EVI5: variants seen among roughly 807,000 people sequenced by gnomAD.
The protein encoded by EVI5 is ecotropic viral integration site 5 protein homolog.
A neutral mutation model predicts 112.0 loss-of-function variants in EVI5; 73 were observed. The observed-to-expected ratio is 0.65, with a 90% confidence interval of 0.54 to 0.79. The LOEUF (loss-of-function observed/expected upper bound fraction) is 0.79, where lower values mean the gene tolerates loss of function less well. EVI5 is among the 30% of genes least tolerant of loss of function. The pLI, the probability that EVI5 is intolerant of heterozygous loss-of-function variation, is 0.00. For missense variants in EVI5, 900 were observed against 968.8 expected (o/e 0.93, Z 0.94); for synonymous variants, 305 against 319.9 (o/e 0.95, Z 0.50).
chr1:92,769,420 G>T (rs780088173), intron 1 of EVI5, among the ~76,000 whole-genome samples: 3 of 152,034 alleles, frequency 2.0e-5, no homozygotes, highest in Non-Finnish European at 4.4e-5. Flanking sequence ...AAAGTACTTT[G>T]ATCTTCTGTC....
At chr1:92,620,750 A>G (rs1654364605) in intron 16 of EVI5, among the ~76,000 whole-genome samples, 1 of 152,214 alleles carries the variant, frequency 6.6e-6, no homozygotes, top group East Asian at 1.9e-4. Context: ...AACTTCTTAA[A>G]GCAGAAAAGA....
chr1:92,616,203 C>T (rs1221444449), intron 16 of EVI5, among the ~76,000 whole-genome samples: 2 of 152,052 alleles, frequency 1.3e-5, no homozygotes, highest in African/African-American at 2.4e-5. Flanking sequence ...CTCATCTCAG[C>T]TGGGAGGGTC....
intron 19 of EVI5, among the ~76,000 whole-genome samples, chr1:92,523,842 T>G (rs925768365): frequency 1.3e-5 from 2 of 152,082 alleles, no homozygotes; most frequent in Non-Finnish European, 2.9e-5. Context: ...TCCCAGCACT[T>G]TGGGAGGCCG....
At chr1:92,696,724 G>A (rs1266133178) in intron 6 of EVI5, among the ~76,000 whole-genome samples, 1 of 151,742 alleles carries the variant, frequency 6.6e-6, no homozygotes, top group African/African-American at 2.4e-5. Flanking sequence ...ACCCCATAAT[G>A]TACAACTATT....
intron 17 of EVI5, among the ~76,000 whole-genome samples, chr1:92,606,926 C>CACA (rs1557886818): frequency 7.3e-6 from 1 of 137,842 alleles, no homozygotes; most frequent in South Asian, 2.2e-4. Flanking sequence ...ACACACACCC[C>CACA]CCCAAACCCT....
At chr1:92,545,953 C>T (rs948657763) in intron 19 of EVI5, among the ~76,000 whole-genome samples, 2 of 151,938 alleles carry the variant, frequency 1.3e-5, no homozygotes, top group African/African-American at 2.4e-5. Flanking sequence ...CTCTAATACA[C>T]GATTTAGGCA....
intron 19 of EVI5, among the ~76,000 whole-genome samples, chr1:92,519,829 G>T (rs192534265): frequency 6.7e-6 from 1 of 150,292 alleles, no homozygotes; most frequent in East Asian, 2.0e-4. Context: ...CCCAGAGGCA[G>T]AGTTTGCAGT....
chr1:92,670,860 T>C (rs888300225), intron 10 of EVI5, among the ~76,000 whole-genome samples: 1 of 152,178 alleles, frequency 6.6e-6, no homozygotes, highest in Non-Finnish European at 1.5e-5. Context: ...CCCATATATT[T>C]TGATTTCTTG....
At chr1:92,651,810 C>A (rs1662150862) in intron 13 of EVI5, among the ~76,000 whole-genome samples, 1 of 145,058 alleles carries the variant, frequency 6.9e-6, no homozygotes, top group African/African-American at 2.6e-5. Flanking sequence ...GAGATCCCGC[C>A]ACTGCACTCC....
chr1:92,770,698 G>C (rs1683278912), intron 1 of EVI5, among the ~76,000 whole-genome samples: 1 of 151,712 alleles, frequency 6.6e-6, no homozygotes, highest in Non-Finnish European at 1.5e-5. Context: ...GCTGAGGCAG[G>C]AGAATGGTGT....
chr1:92,694,736 T>G (rs1670040263), intron 7 of EVI5, among the ~76,000 whole-genome samples: 1 of 152,334 alleles, frequency 6.6e-6, no homozygotes, highest in African/African-American at 2.4e-5. Context: ...CCAACTGTGA[T>G]CTGAACTAAT....
chr1:92,701,892 C>T (rs1472873027), intron 5 of EVI5, among the ~76,000 whole-genome samples: 1 of 128,638 alleles, frequency 7.8e-6, no homozygotes, highest in Admixed American at 8.3e-5. Flanking sequence ...TAGATTCAAG[C>T]TTTAGTAGAA....
upstream of EVI5, among the ~76,000 whole-genome samples, chr1:92,786,024 G>T (rs1197395513): frequency 3.3e-5 from 5 of 151,504 alleles, no homozygotes. Flanking sequence ...CACGGAGGTG[G>T]AGGTTGCAGT....
In EVI5 at chr1:92,756,534, T is replaced by A. The variant is rs948988772; in HGVS notation, c.-81-19907A>T. On this transcript the variant is annotated intron_variant, in intron 1 of 19. Coordinates refer to ENST00000684568, the MANE Select transcript of EVI5 (RefSeq NM_001350197.2). ...ACTCCTGGTATTTCTTAGTGCCGTG[T>A]ACTGAACAGCTATTGACTGCTCATG... 25 of 528,310 alleles carry A rather than the reference T, an allele frequency of 4.7e-5. 1 individual carries two copies. Among genetic ancestry groups the A allele is most frequent in the Middle Eastern group, 4.1e-4 (1 of 2,426 alleles). The allele number at this position is 528,310 out of a possible 1,614,324, so 32.7% of individuals were successfully genotyped here. A position where few individuals can be genotyped will look rare whatever the true frequency, so the allele number is the denominator to read the frequency against.
chr1:92,531,776 C>G (rs1004346627), intron 19 of EVI5, among the ~76,000 whole-genome samples: 7 of 152,210 alleles, frequency 4.6e-5, no homozygotes, highest in African/African-American at 9.6e-5. Context: ...CTTACAAGAG[C>G]TCCTGAAGGA....
At chr1:92,534,321 G>C (rs1663427238) in intron 19 of EVI5, among the ~76,000 whole-genome samples, 1 of 152,160 alleles carries the variant, frequency 6.6e-6, no homozygotes, top group Non-Finnish European at 1.5e-5. Flanking sequence ...CTTATGGATA[G>C]GAAGAATCAA....
chr1:92,674,532 G>C (rs768447322), intron 10 of EVI5, among the ~76,000 whole-genome samples: 21 of 152,106 alleles, frequency 1.4e-4, no homozygotes, highest in Admixed American at 3.9e-4. Flanking sequence ...ACTGGGGCCT[G>C]TCAGGGGGTG....
At chr1:92,578,779 T>G (rs552194327) in intron 18 of EVI5, among the ~76,000 whole-genome samples, 1 of 151,588 alleles carries the variant, frequency 6.6e-6, no homozygotes, top group South Asian at 2.1e-4. Flanking sequence ...AAGGACCACA[T>G]GACTAGCCAG....
intron 18 of EVI5, among the ~76,000 whole-genome samples, chr1:92,577,180 C>T (rs564959600): frequency 6.6e-6 from 1 of 152,278 alleles, no homozygotes; most frequent in Admixed American, 6.5e-5. Flanking sequence ...AATATAATTC[C>T]CTTTAAGGAA....
Sources: gnomAD v4.1 joint callset for allele counts (sites outside exome capture counted in the v4.1 genomes callset) on GRCh38, gnomAD v4.1.1 for gene constraint, MANE v1.5 for transcripts, NCBI Gene and HGNC (gene_info 2026-07-23, HGNC 2026-07-21) for gene names.